LRBA: variants seen among roughly 807,000 people sequenced by gnomAD.
LRBA encodes LPS responsive beige-like anchor protein.
In LRBA, 176 loss-of-function variants were observed where a neutral mutation model predicts 330.0. The observed-to-expected ratio is 0.53, with a 90% CI of 0.47 to 0.60. The LOEUF is 0.60. Among genes scored for constraint, LRBA ranks in the 20% least tolerant of loss-of-function variants. The pLI, the probability that LRBA is intolerant of heterozygous loss-of-function variation, is 0.00. For missense variants in LRBA, 3,259 were observed against 3,444.8 expected (o/e 0.95, Z 1.35); for synonymous variants, 1,230 against 1,193.0 (o/e 1.03, Z -0.64).
At chr4:150,898,890 A>G (rs1433178037) in intron 14 of LRBA, among the ~76,000 whole-genome samples, 3 of 152,178 alleles carry the variant, frequency 2.0e-5, no homozygotes, top group Non-Finnish European at 4.4e-5. Flanking sequence ...TTGCTAAATT[A>G]TAGGTACCAG....
At chr4:150,661,684 C>T (rs1296051063) in intron 37 of LRBA, among the ~76,000 whole-genome samples, 2 of 152,046 alleles carry the variant, frequency 1.3e-5, no homozygotes, top group South Asian at 2.1e-4. Flanking sequence ...AATCTCAGCT[C>T]ATTGCAACCT....
intron 40 of LRBA, among the ~76,000 whole-genome samples, chr4:150,545,284 A>C (rs1274466838): frequency 6.6e-6 from 1 of 152,214 alleles, no homozygotes; most frequent in Admixed American, 6.5e-5. Flanking sequence ...AAATAAATAC[A>C]AAAGTTTAAC....
At chr4:150,482,565 C>G (rs191692956) in intron 42 of LRBA, among the ~76,000 whole-genome samples, 1 of 152,082 alleles carries the variant, frequency 6.6e-6, no homozygotes, top group Admixed American at 6.6e-5. Flanking sequence ...AGTGAGACTC[C>G]TAGGATGTAT....
At chr4:150,652,449 G>C (rs1355328182) in intron 37 of LRBA, among the ~76,000 whole-genome samples, 3 of 151,930 alleles carry the variant, frequency 2.0e-5, no homozygotes, top group Non-Finnish European at 1.5e-5. Flanking sequence ...TTATGCTCTT[G>C]TTCTTGTAAC....
chr4:150,422,501 C>A, intron 46 of LRBA: 1 of 325,478 alleles, frequency 3.1e-6, no homozygotes, highest in South Asian at 4.6e-5. Context: ...TTCAACATAA[C>A]TCCAGGGAGA....
At position 150,436,775 on chromosome 4, in the gene LRBA, A is replaced by G. The variant is rs932557202; in HGVS notation, c.6870T>C (p.Tyr2290=). Residue 2290 remains tyrosine, a synonymous_variant, in exon 45 of 57, where the codon TAT becomes TAC. Transcript: ENST00000651943. ...WEDDQVPKFH[Y]GTHYSTASFV... ...AACTTGCAGTTGAGTAATGAGTACC[A>G]TAGTGAAACTTTGGAACTTGATCAT... 13 of 1,613,422 alleles carry G rather than the reference A, an allele frequency of 8.1e-6. No homozygotes were observed. Among genetic ancestry groups the G allele is most frequent in the South Asian group, 1.1e-5 (1 of 91,050 alleles).
chr4:150,327,251 T>C (rs1327674188), intron 48 of LRBA, among the ~76,000 whole-genome samples: 1 of 152,032 alleles, frequency 6.6e-6, no homozygotes, highest in Non-Finnish European at 1.5e-5. Flanking sequence ...AGACCCTGTC[T>C]CTACAAAAAA....
rs1450561445 is a variant in LRBA at position 150,583,279 on chromosome 4, G to A, written c.6330+4769C>T. 6.2e-7 allele frequency: 1 copy of A among 1,614,164 alleles called. No individual in the cohort carries two copies. Among genetic ancestry groups the A allele is most frequent in the Admixed American group, 1.7e-5 (1 of 60,026 alleles). On this transcript the variant is annotated intron_variant, in intron 40 of 56. Coordinates refer to ENST00000651943, the MANE Select transcript of LRBA (RefSeq NM_001364905.1). This position sits in a 1 kb window ranked among gnomAD's most constrained non-coding sequence, Gnocchi z 9.8. ...GGTGGTGCTCTACCTAAACCAGATG[G>A]GCGTCTTCAACTTCGTGGACGACGG...
At chr4:150,913,683 G>GT (rs1193256589) in intron 9 of LRBA, among the ~76,000 whole-genome samples, 1 of 152,106 alleles carries the variant, frequency 6.6e-6, no homozygotes, top group Non-Finnish European at 1.5e-5. Flanking sequence ...TTCTATCAAA[G>GT]TTTGCTTCAT....
intron 9 of LRBA, among the ~76,000 whole-genome samples, chr4:150,913,747 A>G (rs184969559): frequency 1.3e-5 from 2 of 152,188 alleles, no homozygotes; most frequent in African/African-American, 4.8e-5. Flanking sequence ...TTTCTGGTGA[A>G]CTGACCCTAT....
chr4:150,326,167 AT>A, intron 48 of LRBA, among the ~76,000 whole-genome samples: 1 of 152,240 alleles, frequency 6.6e-6, no homozygotes, highest in African/African-American at 2.4e-5. Context: ...ACAATCAGAA[AT>A]TGTCCTTTTT....
chr4:150,799,582 C>T (rs1741289067), intron 33 of LRBA, among the ~76,000 whole-genome samples: 1 of 152,212 alleles, frequency 6.6e-6, no homozygotes, highest in Non-Finnish European at 1.5e-5. Flanking sequence ...TCGAGAGAAA[C>T]TAGAATTCCT....
intron 44 of LRBA, among the ~76,000 whole-genome samples, chr4:150,442,573 C>G (rs373098811): frequency 2.3e-4 from 35 of 152,116 alleles, no homozygotes; most frequent in African/African-American, 8.2e-4. Context: ...ACAGATAAAG[C>G]CTGCCTTACA....
chr4:150,945,587 T>C (rs960638945), intron 2 of LRBA, among the ~76,000 whole-genome samples: 1 of 152,232 alleles, frequency 6.6e-6, no homozygotes, highest in Non-Finnish European at 1.5e-5. Context: ...TGCCCACTTA[T>C]GCACTGCTTC....
intron 3 of LRBA, 80 bp downstream of exon 3, chr4:150,928,754 C>A (rs1734145880): frequency 1.5e-6 from 2 of 1,357,104 alleles, no homozygotes; most frequent in African/African-American, 2.9e-5. Flanking sequence ...TTAAATATTG[C>A]TAAATGGAAT....
chr4:150,855,687 T>A (rs1458602506), intron 22 of LRBA, among the ~76,000 whole-genome samples: 3 of 152,144 alleles, frequency 2.0e-5, no homozygotes, highest in Non-Finnish European at 4.4e-5. Context: ...AAAATCACTA[T>A]CCTGGTATTT....
intron 2 of LRBA, among the ~76,000 whole-genome samples, chr4:150,955,304 G>C (rs973014426): frequency 6.7e-6 from 1 of 148,730 alleles, no homozygotes; most frequent in Admixed American, 6.6e-5. Flanking sequence ...AAAGAAAATA[G>C]AAAATACACT....
intron 41 of LRBA, among the ~76,000 whole-genome samples, chr4:150,489,046 AT>A (rs1185566887): frequency 9.1e-6 from 1 of 110,126 alleles, no homozygotes; most frequent in East Asian, 2.5e-4. Flanking sequence ...TATATAATAT[AT>A]TATATATAAG....
intron 37 of LRBA, among the ~76,000 whole-genome samples, chr4:150,654,010 T>C (rs1402842241): frequency 6.6e-6 from 1 of 152,218 alleles, no homozygotes. Context: ...AATCTTCAGA[T>C]TACTGAGTTC....
Sources: gnomAD v4.1 joint callset for allele counts (sites outside exome capture counted in the v4.1 genomes callset) on GRCh38, gnomAD v4.1.1 for gene constraint, Gnocchi (gnomAD v3.1) non-coding constraint, MANE v1.5 for transcripts, NCBI Gene and HGNC (gene_info 2026-07-23, HGNC 2026-07-21) for gene names.